Variants in CARMIL3 observed in about 807,000 individuals in gnomAD.
CARMIL3 encodes capping protein regulator and myosin 1 linker 3.
Under a neutral mutation model 180.8 loss-of-function variants are expected in CARMIL3, and 88 were observed. That is an observed-to-expected ratio of 0.49 (90% confidence interval 0.41 to 0.58). The LOEUF (loss-of-function observed/expected upper bound fraction) is 0.58. Among genes scored for constraint, CARMIL3 ranks in the 20% least tolerant of loss-of-function variants. The pLI, the probability that CARMIL3 is intolerant of heterozygous loss-of-function variation, is 0.00. For synonymous variants in CARMIL3, 696 were observed against 714.5 expected (o/e 0.97, Z 0.41); for missense variants, 1,548 against 1,787.0 (o/e 0.87, Z 2.41).
chr14:24,065,410 C>G (rs2035776691), intron 33 of CARMIL3, 137 bp downstream of exon 33: 15 of 1,083,220 alleles, frequency 1.4e-5, no homozygotes, highest in South Asian at 1.2e-4. Context: ...CAATTCTCCT[C>G]TCCTTGAGAG....
At position 24,068,820 on chromosome 14, in the gene CARMIL3, A is replaced by G. The variant is rs1003798651; in HGVS notation, c.3836A>G (p.Lys1279Arg). The G allele has an allele frequency of 6.2e-7, 1 of 1,613,930 alleles. No homozygotes were observed. Among genetic ancestry groups the G allele is most frequent in the Admixed American group, 1.7e-5 (1 of 60,012 alleles). Residue 1279 changes from lysine to arginine, a missense_variant, in exon 38 of 40, where the codon AAG (lysine) becomes AGG (arginine). Lys to Arg is a conservative substitution (Grantham distance 26, BLOSUM62 2). Around this residue, in one of 4 missense-constraint regions of CARMIL3, gnomAD observed 668 missense variants for 687.8 expected, o/e 0.97. Coordinates refer to ENST00000342740, the MANE Select transcript of CARMIL3 (RefSeq NM_138360.4). ...QDPALAPWPP[K>R]PVAVPRGRQP... ...CCCGCTCTAGCTCCATGGCCTCCCAAGCCAGTGGCTGTGCCCAGGGGCCGC... is the reference window on the plus strand; with the variant it reads ...CCCGCTCTAGCTCCATGGCCTCCCAGGCCAGTGGCTGTGCCCAGGGGCCGC...
chr14:24,056,842 A>C (rs2138717706), intron 12 of CARMIL3, 73 bp from the exon 13 acceptor site: 1 of 1,546,738 alleles, frequency 6.5e-7, no homozygotes, highest in Non-Finnish European at 8.9e-7. Context: ...GTTTGGGGAG[A>C]GGGGAAGAGT....
chr14:24,055,399 GC>G (rs2035662079), intron 8 of CARMIL3, 89 bp downstream of exon 8: 2 of 1,524,176 alleles, frequency 1.3e-6, no homozygotes, highest in Non-Finnish European at 1.8e-6. Context: ...TGGTCCCACA[GC>G]CCCAGCTCTA....
chr14:24,062,531 G>C lies in CARMIL3; in HGVS notation c.2532G>C (p.Glu844Asp). ...ACCTAACCAGCTCCATAGTGGATGA[G>C]ATCCTGCAAGAGCTCTACCATTCCC... ...VTYLTSSIVD[E>D]ILQELYHSHK... The change falls in exon 28 of 40, where the codon GAG becomes GAC. Residue 844 changes from glutamate (E) to aspartate (D), a missense_variant. Around this residue, in one of 4 missense-constraint regions of CARMIL3, gnomAD observed 297 missense variants for 415.9 expected, o/e 0.71. Coordinates refer to ENST00000342740, the MANE Select transcript of CARMIL3 (RefSeq NM_138360.4). 6.2e-7 allele frequency: 1 copy of C among 1,614,214 alleles called. No homozygotes were observed. The highest frequency in any genetic ancestry group is 8.5e-7 in the Non-Finnish European group (1 of 1,180,034).
At position 24,056,315 on chromosome 14, in the gene CARMIL3, C is replaced by G. The variant is rs1486654512; in HGVS notation, c.787C>G (p.Leu263Val). Residue 263 changes from leucine (L) to valine (V), a missense_variant, in exon 11 of 40, where the codon CTG becomes GTG. Physicochemically the swap from Leu to Val is conservative, Grantham distance 32. Transcript: ENST00000342740. ...TCCCTGAAGGGACTTTGTCCAGAAG[C>G]TGGCCGGGGTGTTTGGGGAGAACGG... is the stretch of plus-strand genomic sequence containing the variant. ...AGLKTDFVQK[L>V]AGVFGENGSC... 1.2e-6 allele frequency: 2 copies of G among 1,613,978 alleles called. No individual in the cohort carries two copies. The highest frequency in any genetic ancestry group is 1.7e-6 in the Non-Finnish European group (2 of 1,179,876).
Position 24,059,844 on chromosome 14 carries a change from T to A in CARMIL3, c.1868+112T>A. ...CCCCTTTGACCTATTTGCACAGAAA[T>A]TTTAGGAAGGGCCATGGAAGACAGA... is the stretch of plus-strand genomic sequence containing the variant. On this transcript the variant is annotated intron_variant, in intron 22 of 39. Coordinates refer to ENST00000342740, the MANE Select transcript of CARMIL3 (RefSeq NM_138360.4). The surrounding 1 kb of genome is among the most constrained non-coding windows in gnomAD (Gnocchi z 6.3). The A allele has an allele frequency of 6.5e-7, 1 of 1,532,132 alleles. No homozygotes were observed. Among genetic ancestry groups the A allele is most frequent in the Non-Finnish European group, 9.0e-7 (1 of 1,108,060 alleles). 94.9% of individuals were successfully genotyped at this position (1,532,132 alleles called of 1,614,324 possible). A position where few individuals can be genotyped will look rare whatever the true frequency, so the allele number is the denominator to read the frequency against.
At position 24,069,202 on chromosome 14, in the gene CARMIL3, T is replaced by G; in HGVS notation, c.4048T>G (p.Cys1350Gly). 1 of 1,613,916 alleles carries G rather than the reference T, an allele frequency of 6.2e-7. No homozygotes were observed. The highest frequency in any genetic ancestry group is 8.5e-7 in the Non-Finnish European group (1 of 1,179,974). The change falls in exon 39 of 40, where the codon TGT becomes GGT. Residue 1350 changes from cysteine (C) to glycine (G), a missense_variant. By Grantham distance (159) the Cys-to-Gly change is radical. Transcript: ENST00000342740. Reference sequence around the variant, plus strand: ...CAAGAGGACACGGCGGGCACAGTCCTGTGACAAGCTGGAACCTGATAGAAG... The same window carrying G: ...CAAGAGGACACGGCGGGCACAGTCCGGTGACAAGCTGGAACCTGATAGAAG... ...KPKRTRRAQS[C>G]DKLEPDRRRP...
At chr14:24,056,517 C>A in intron 11 of CARMIL3, 105 bp from the exon 12 acceptor site, 1 of 1,469,160 alleles carries the variant, frequency 6.8e-7, no homozygotes, top group South Asian at 1.1e-5. Flanking sequence ...CACCTCCATC[C>A]TTGACCCAAG....
rs373543971 is a variant in CARMIL3, at chr14:24,065,740, G to A, written c.3515G>A (p.Gly1172Glu). The A allele has an allele frequency of 1.3e-4, 215 of 1,613,874 alleles. No homozygotes were observed. The highest frequency in any genetic ancestry group is 1.7e-4 in the Non-Finnish European group (204 of 1,179,884). ...AGAGCCAAGGGTTGGAGCTTCGATGGGAAACGAGAGGTGAGTGGAGCCTGG... is the reference window on the plus strand; with the variant it reads ...AGAGCCAAGGGTTGGAGCTTCGATGAGAAACGAGAGGTGAGTGGAGCCTGG... ...LERAKGWSFD[G>E]KREGPGPDQE... Residue 1172 changes from glycine (G) to glutamate (E), a missense_variant, in exon 34 of 40, where the codon GGG (glycine) becomes GAG (glutamate). By Grantham distance (98) the Gly-to-Glu change is moderately conservative. Transcript: ENST00000342740.
Position 24,061,374 on chromosome 14 carries a change from G to A in CARMIL3, c.2305-123G>A. On this transcript the variant is annotated intron_variant, in intron 26 of 39. Transcript: ENST00000342740. This position sits in a 1 kb window ranked among gnomAD's most constrained non-coding sequence, Gnocchi z 4.1. ...CCAAGGCTCTGCCACTAACAGTTTT[G>A]TGACTTAGGCAGGTCCCTCAGTCTC... The A allele has an allele frequency of 2.0e-6, 2 of 1,020,834 alleles. No homozygotes were observed. Among genetic ancestry groups the A allele is most frequent in the Non-Finnish European group, 2.8e-6 (2 of 709,786 alleles). 63.2% of individuals were successfully genotyped at this position (1,020,834 alleles called of 1,614,324 possible). A position where few individuals can be genotyped will look rare whatever the true frequency, so the allele number is the denominator to read the frequency against.
intron 39 of CARMIL3, 54 bp downstream of exon 39, chr14:24,069,301 C>T: frequency 6.2e-7 from 1 of 1,612,522 alleles, no homozygotes; most frequent in Non-Finnish European, 8.5e-7. Flanking sequence ...TCCAACATGA[C>T]ACCCCCCGAA....
In CARMIL3 at chr14:24,054,889, C is replaced by G. The variant is rs1277811473; in HGVS notation, c.460+81C>G. 1.3e-6 allele frequency: 2 copies of G among 1,483,900 alleles called. No individual in the cohort carries two copies. Among genetic ancestry groups the G allele is most frequent in the East Asian group, 4.6e-5 (2 of 43,578 alleles). 91.9% of individuals were successfully genotyped at this position (1,483,900 alleles called of 1,614,324 possible). A position where few individuals can be genotyped will look rare whatever the true frequency, so the allele number is the denominator to read the frequency against. ...AGAGCCCTTTGTGCACAGGGTGTTG[C>G]CTGGGCGGGCGGGCTTTGCCTGCCT... On this transcript the variant is annotated intron_variant, in intron 6 of 39. Transcript: ENST00000342740. This position sits in a 1 kb window ranked among gnomAD's most constrained non-coding sequence, Gnocchi z 5.1.
In CARMIL3 at chr14:24,063,475, A is replaced by G; in HGVS notation, c.2921A>G (p.Gln974Arg). 1 of 1,613,780 alleles carries G rather than the reference A, an allele frequency of 6.2e-7. No individual in the cohort carries two copies. The highest frequency in any genetic ancestry group is 1.1e-5 in the South Asian group (1 of 91,076). The change falls in exon 31 of 40, where the codon CAA (glutamine) becomes CGA (arginine). Residue 974 changes from glutamine (Q) to arginine (R), a missense_variant. Coordinates refer to ENST00000342740, the MANE Select transcript of CARMIL3 (RefSeq NM_138360.4). ...ACTCATGGTTACAAACTAAGGCATC[A>G]AACACAAGGGAGGCCCCGCCCCCCC... ...LPTHGYKLRH[Q>R]TQGRPRPPRT...
intron 35 of CARMIL3, 43 bp downstream of exon 35, chr14:24,066,507 A>G: frequency 6.2e-7 from 1 of 1,613,306 alleles, no homozygotes; most frequent in Admixed American, 1.7e-5. Flanking sequence ...CCCCTCTCTC[A>G]GGGGTCAAAT....
chr14:24,063,388 C>T lies in CARMIL3; in HGVS notation c.2834C>T (p.Ser945Leu). 6.2e-7 allele frequency: 1 copy of T among 1,613,222 alleles called. No homozygotes were observed. The highest frequency in any genetic ancestry group is 1.3e-5 in the African/African-American group (1 of 75,028). Residue 945 changes from serine (S) to leucine (L), a missense_variant, in exon 31 of 40, where the codon TCA (serine) becomes TTA (leucine). Physicochemically the swap from Ser to Leu is moderately radical, Grantham distance 145. Transcript: ENST00000342740. ...GNLGIPPGWF[S>L]GLGGSQPTAS... ...CTGGGGATCCCCCCTGGCTGGTTCT[C>T]AGGACTTGGGGGCAGCCAGCCCACA...
intron 34 of CARMIL3, 86 bp from the exon 35 acceptor site, chr14:24,066,312 T>TG: frequency 3.4e-6 from 5 of 1,464,292 alleles, no homozygotes; most frequent in Non-Finnish European, 4.7e-6. Flanking sequence ...GAGAATGACA[T>TG]GGAGATGCTA....
At position 24,056,136 on chromosome 14, in the gene CARMIL3, G is replaced by A. The variant is rs45516899; in HGVS notation, c.771-163G>A. Among the ~76,000 whole-genome samples the A allele has an allele frequency of 1.6e-3, 246 of 152,294 alleles. 1 individual carries two copies. The highest frequency in any genetic ancestry group is 3.1e-3 in the Non-Finnish European group (208 of 68,034). The stretch of plus-strand genomic sequence containing the variant: ...GGTGTGGAATGCCCCCAGGTACTCC[G>A]GAGTGGTGACAAGCTCCCTGGCAGG... On this transcript the variant is annotated intron_variant, in intron 10 of 39. Coordinates refer to ENST00000342740, the MANE Select transcript of CARMIL3 (RefSeq NM_138360.4).
At position 24,061,356 on chromosome 14, in the gene CARMIL3, T is replaced by A; in HGVS notation, c.2305-141T>A. ...GTGGGGAAGCCTTAGTGTCCAAGGC[T>A]CTGCCACTAACAGTTTTGTGACTTA... On this transcript the variant is annotated intron_variant, in intron 26 of 39. Transcript: ENST00000342740. The surrounding 1 kb of genome is among the most constrained non-coding windows in gnomAD (Gnocchi z 4.1). 1.2e-6 allele frequency: 1 copy of A among 851,250 alleles called. No individual in the cohort carries two copies. Among genetic ancestry groups the A allele is most frequent in the Non-Finnish European group, 1.8e-6 (1 of 559,024 alleles). 52.7% of individuals were successfully genotyped at this position (851,250 alleles called of 1,614,324 possible). A position where few individuals can be genotyped will look rare whatever the true frequency, so the allele number is the denominator to read the frequency against.
In CARMIL3 at chr14:24,065,265, C is replaced by T. The variant is rs112606230; in HGVS notation, c.3388C>T (p.Arg1130Trp). ...FGGGRGPSFR[R>W]KMGTEGSEPG... ...TGGGGGCCGGGGACCTTCCTTCCGCCGGAAGATGGTAAGTGAGGCAGGGGG... is the reference window on the plus strand; with the variant it reads ...TGGGGGCCGGGGACCTTCCTTCCGCTGGAAGATGGTAAGTGAGGCAGGGGG... Residue 1130 changes from arginine to tryptophan, a missense_variant, in exon 33 of 40, where the codon CGG (arginine) becomes TGG (tryptophan). By Grantham distance (101) the Arg-to-Trp change is moderately radical (BLOSUM62 -3). Coordinates refer to ENST00000342740, the MANE Select transcript of CARMIL3 (RefSeq NM_138360.4). 3.3e-6 allele frequency: 5 copies of T among 1,533,176 alleles called. No homozygotes were observed. Among genetic ancestry groups the T allele is most frequent in the Admixed American group, 4.3e-5 (2 of 45,990 alleles). 95.0% of individuals were successfully genotyped at this position (1,533,176 alleles called of 1,614,324 possible).
Sources: gnomAD v4.1 joint callset for allele counts (sites outside exome capture counted in the v4.1 genomes callset) on GRCh38, gnomAD v4.1.1 for gene constraint, gnomAD v4.1.1 regional missense constraint, Gnocchi (gnomAD v3.1) non-coding constraint, MANE v1.5 for transcripts, NCBI Gene and HGNC (gene_info 2026-07-23, HGNC 2026-07-21) for gene names.